VRK1: variants seen among roughly 807,000 people sequenced by gnomAD.
VRK1 encodes VRK serine/threonine kinase 1, also known as serine/threonine-protein kinase VRK1.
VRK1 carries 33 observed loss-of-function variants against 57.1 expected under a neutral mutation model. The ratio of observed to expected loss-of-function variants is 0.58; its 90% CI spans 0.44 to 0.77. The LOEUF (loss-of-function observed/expected upper bound fraction) is 0.77, where lower values mean the gene tolerates loss of function less well. VRK1 is among the 30% of genes least tolerant of loss of function. The pLI, the probability that VRK1 is intolerant of heterozygous loss-of-function variation, is 0.00. For synonymous variants in VRK1, 137 were observed against 147.8 expected (o/e 0.93, Z 0.53); for missense variants, 413 against 477.3 (o/e 0.87, Z 1.25).
At chr14:96,839,018 T>G (rs866184798) in intron 3 of VRK1, among the ~76,000 whole-genome samples, 9 of 151,854 alleles carry the variant, frequency 5.9e-5, no homozygotes, top group Non-Finnish European at 1.2e-4. Flanking sequence ...CTAAAAAGAT[T>G]CCTTATGTTC....
intron 3 of VRK1, among the ~76,000 whole-genome samples, chr14:96,840,115 A>C (rs958995899): frequency 1.3e-5 from 2 of 152,122 alleles, no homozygotes; most frequent in Non-Finnish European, 2.9e-5. Context: ...TTTTGGTAGC[A>C]GAGTTCTGTA....
intron 1 of VRK1, among the ~76,000 whole-genome samples, chr14:96,831,614 A>G (rs541546919): frequency 1.9e-4 from 29 of 152,348 alleles, no homozygotes; most frequent in African/African-American, 6.3e-4. Flanking sequence ...CATTGAATAG[A>G]TGCTGAGCCA....
Position 96,847,426 on chromosome 14 carries a change from G to T in VRK1, c.374+82G>T, listed in dbSNP as rs1887751559. On this transcript the variant is annotated intron_variant, in intron 5 of 12. Coordinates refer to ENST00000216639, the MANE Select transcript of VRK1 (RefSeq NM_003384.3). ...TTGGTTTAGTCAGTAATTATTTACT[G>T]ATCACTTACAATATTACTAGGCCTC... 8.9e-6 allele frequency: 10 copies of T among 1,123,118 alleles called. No homozygotes were observed. The South Asian group carries it at 1.3e-4, about 14-fold the overall frequency. The allele number at this position is 1,123,118 out of a possible 1,614,324, so 69.6% of individuals were successfully genotyped here. A position where few individuals can be genotyped will look rare whatever the true frequency, so the allele number is the denominator to read the frequency against.
At chr14:96,881,035 T>A in intron 12 of VRK1, 142 bp from the exon 13 acceptor site, 1 of 718,338 alleles carries the variant, frequency 1.4e-6, no homozygotes, top group East Asian at 2.8e-5. Flanking sequence ...TACCTTTGTA[T>A]GTCAGTTTTA....
At chr14:96,808,433 G>C (rs1885158) in intron 1 of VRK1, among the ~76,000 whole-genome samples, 147,753 of 152,242 alleles carry the variant, frequency 0.97, 71,845 homozygotes, top group East Asian at 1. Context: ...AAAAGGTGCA[G>C]AAGCATCAAG....
intron 1 of VRK1, among the ~76,000 whole-genome samples, chr14:96,818,307 A>G (rs1198296287): frequency 6.6e-6 from 1 of 152,214 alleles, no homozygotes; most frequent in Non-Finnish European, 1.5e-5. Context: ...TATTTTAAGC[A>G]TTTTACTCAC....
In VRK1 at chr14:96,860,593, T is replaced by C; in HGVS notation, c.926T>C (p.Leu309Pro). The C allele has an allele frequency of 6.2e-7, 1 of 1,613,080 alleles. No homozygotes were observed. The highest frequency in any genetic ancestry group is 8.5e-7 in the Non-Finnish European group (1 of 1,179,384). ...AAATACATGGAAACAGTGAAATTAC[T>C]AGACTACACTGAAAAACCTCTTTAT... ...IAKYMETVKL[L>P]DYTEKPLYEN... Residue 309 changes from leucine to proline, a missense_variant, in exon 11 of 13, where the codon CTA (leucine) becomes CCA (proline). Leu to Pro is a moderately conservative substitution (Grantham distance 98). Around this residue, in one of 3 missense-constraint regions of VRK1, gnomAD observed 146 missense variants for 138.2 expected, o/e 1.06. Coordinates refer to ENST00000216639, the MANE Select transcript of VRK1 (RefSeq NM_003384.3).
At chr14:96,847,703 G>C (rs1030815570) in intron 5 of VRK1, among the ~76,000 whole-genome samples, 1 of 152,100 alleles carries the variant, frequency 6.6e-6, no homozygotes, top group African/African-American at 2.4e-5. Context: ...CATGCAAAAG[G>C]GAACCCCTTC....
At chr14:96,854,697 A>T (rs1888080216) in intron 7 of VRK1, among the ~76,000 whole-genome samples, 1 of 152,172 alleles carries the variant, frequency 6.6e-6, no homozygotes, top group Admixed American at 6.5e-5. Flanking sequence ...CATTATTATG[A>T]TGTATGAAAT....
chr14:96,844,291 A>G (rs1201305502), intron 3 of VRK1, among the ~76,000 whole-genome samples: 7 of 152,208 alleles, frequency 4.6e-5, no homozygotes, highest in East Asian at 1.9e-4. Flanking sequence ...TACTGAGTCC[A>G]TAAGTTAAGG....
intron 1 of VRK1, among the ~76,000 whole-genome samples, chr14:96,811,587 G>T (rs1394052837): frequency 6.6e-6 from 1 of 152,142 alleles, no homozygotes; most frequent in Non-Finnish European, 1.5e-5. Context: ...AGTGAGTCAG[G>T]AACTACCCTG....
At chr14:96,879,728 A>T (rs1430804178) in intron 12 of VRK1, among the ~76,000 whole-genome samples, 1 of 152,004 alleles carries the variant, frequency 6.6e-6, no homozygotes, top group Non-Finnish European at 1.5e-5. Flanking sequence ...CAGGAGTTCG[A>T]CACCAGCCTG....
intron 5 of VRK1, among the ~76,000 whole-genome samples, chr14:96,852,334 C>T (rs952583335): frequency 9.9e-5 from 15 of 152,124 alleles, no homozygotes; most frequent in African/African-American, 3.6e-4. Flanking sequence ...CCTTTTACGC[C>T]ATTTAAACAA....
intron 1 of VRK1, among the ~76,000 whole-genome samples, chr14:96,829,694 A>C (rs1886933180): frequency 6.6e-6 from 1 of 152,188 alleles, no homozygotes; most frequent in Non-Finnish European, 1.5e-5. Flanking sequence ...CAAGTATCAC[A>C]ATATGATTTC....
chr14:96,852,504 A>G (rs564683151), intron 5 of VRK1, among the ~76,000 whole-genome samples: 101 of 152,310 alleles, frequency 6.6e-4, no homozygotes, highest in African/African-American at 1.9e-3. Context: ...AGAAAAATCA[A>G]TGCTGTCATT....
At chr14:96,877,757 T>C (rs1344889235) in intron 12 of VRK1, 8 of 845,896 alleles carry the variant, frequency 9.5e-6, no homozygotes, top group Non-Finnish European at 1.1e-5. Context: ...CATCCCTTTC[T>C]TGACTGCCTG....
At chr14:96,828,164 G>A (rs74076151) in intron 1 of VRK1, among the ~76,000 whole-genome samples, 2,095 of 150,350 alleles carry the variant, frequency 0.014, 55 homozygotes, top group African/African-American at 0.048. Context: ...CCTGTTGTTG[G>A]ACATACAGGT....
In VRK1 at chr14:96,828,822, C is replaced by G. The variant is rs182608177; in HGVS notation, c.-5-4645C>G. ...TATTTATTAGTACACTGCCATTGGC[C>G]CTGCTTATACCTGGCTGAAGCAGGC... On this transcript the variant is annotated intron_variant, in intron 1 of 12. Coordinates refer to ENST00000216639, the MANE Select transcript of VRK1 (RefSeq NM_003384.3). 6.6e-5 allele frequency among the ~76,000 whole-genome samples: 10 copies of G among 152,214 alleles called. No homozygotes were observed. The East Asian group carries it at 1.9e-3, about 29-fold the overall frequency.
chr14:96,865,836 C>T (rs1317134531), intron 11 of VRK1, among the ~76,000 whole-genome samples: 1 of 150,928 alleles, frequency 6.6e-6, no homozygotes, highest in African/African-American at 2.4e-5. Context: ...TATGTTTGCT[C>T]TGTTTTTTAC....
Sources: allele counts gnomAD v4.1 joint callset (sites outside exome capture counted in the v4.1 genomes callset), GRCh38; gene constraint gnomAD v4.1.1; regional missense constraint gnomAD v4.1.1; transcripts MANE v1.5; gene names NCBI Gene and HGNC (gene_info 2026-07-23, HGNC 2026-07-21).